NFIB: variants seen among roughly 807,000 people sequenced by gnomAD.
The protein encoded by NFIB is nuclear factor I B, also known as nuclear factor 1 B-type.
NFIB carries 11 observed loss-of-function variants against 61.5 expected under a neutral mutation model. The observed-to-expected ratio is 0.18, with a 90% CI of 0.11 to 0.30. The LOEUF (loss-of-function observed/expected upper bound fraction) is 0.30. Ranked by LOEUF, NFIB falls within the 10% of genes least tolerant of loss-of-function variation. NFIB has a pLI of 1.00. For synonymous variants in NFIB, 260 were observed against 216.5 expected (o/e 1.20, Z -1.76); for missense variants, 471 against 608.9 (o/e 0.77, Z 2.38).
At chr9:14,483,595 A>G in the NFIB span, among the ~76,000 whole-genome samples, 3 of 152,186 alleles carry the variant, frequency 2.0e-5, no homozygotes, top group Non-Finnish European at 4.4e-5. Flanking sequence ...GCTTTGGTAA[A>G]TGTGAGTTTG....
At chr9:14,367,868 G>A (rs953846003) in intron 1 of NFIB, among the ~76,000 whole-genome samples, 2 of 152,092 alleles carry the variant, frequency 1.3e-5, no homozygotes, top group Non-Finnish European at 2.9e-5. Context: ...ATCACACACC[G>A]GGGCCTGTCA....
intron 3 of NFIB, among the ~76,000 whole-genome samples, chr9:14,158,233 T>C (rs186608272): frequency 1.3e-5 from 2 of 152,086 alleles, no homozygotes; most frequent in Non-Finnish European, 2.9e-5. Flanking sequence ...ACTTTGTAAA[T>C]GCCTACCCTT....
chr9:14,321,837 T>C (rs2060668432), intron 1 of NFIB: 6 of 1,207,378 alleles, frequency 5.0e-6, no homozygotes, highest in Non-Finnish European at 4.1e-6. Flanking sequence ...AACAGCCACT[T>C]TGCAATCCAC....
intron 10 of NFIB, chr9:14,094,570 C>T (rs1362323426): frequency 2.0e-5 from 3 of 152,410 alleles, no homozygotes; most frequent in African/African-American, 7.2e-5. Flanking sequence ...TCTTTGCATG[C>T]AAGATGATTC....
chr9:14,457,340 T>C, the NFIB span, among the ~76,000 whole-genome samples: 1 of 152,086 alleles, frequency 6.6e-6, no homozygotes, highest in Non-Finnish European at 1.5e-5. Flanking sequence ...GATAGTTTAG[T>C]TTGAACGAGT....
chr9:14,520,098 C>A, the NFIB span, among the ~76,000 whole-genome samples: 1 of 152,110 alleles, frequency 6.6e-6, no homozygotes, highest in Non-Finnish European at 1.5e-5. Flanking sequence ...ATGTGAGGCA[C>A]AATAGATATT....
the NFIB span, among the ~76,000 whole-genome samples, chr9:14,513,678 A>G: frequency 6.6e-6 from 1 of 151,754 alleles, no homozygotes. Context: ...AAAAAGAAAC[A>G]AAATGAAAAG....
At chr9:14,401,161 T>C (rs2061739396), upstream of NFIB, among the ~76,000 whole-genome samples, 1 of 152,176 alleles carries the variant, frequency 6.6e-6, no homozygotes, top group Non-Finnish European at 1.5e-5. Flanking sequence ...GAGAATAAAC[T>C]ACTTGAAAAG....
At chr9:14,389,614 T>G (rs1337486628) in intron 1 of NFIB, among the ~76,000 whole-genome samples, 1 of 152,144 alleles carries the variant, frequency 6.6e-6, no homozygotes, top group Non-Finnish European at 1.5e-5. Context: ...ACCAAATATA[T>G]AGATGTCTAC....
chr9:14,431,507 C>T, the NFIB span, among the ~76,000 whole-genome samples: 2 of 152,166 alleles, frequency 1.3e-5, no homozygotes, highest in Non-Finnish European at 2.9e-5. Flanking sequence ...TGTTGCATGC[C>T]TGCCAGGCAC....
the NFIB span, among the ~76,000 whole-genome samples, chr9:14,451,886 T>G: frequency 6.6e-6 from 1 of 152,200 alleles, no homozygotes; most frequent in East Asian, 1.9e-4. Context: ...TTTTTTTTTT[T>G]GCAAGTTCTG....
rs1587097471 is a variant in NFIB at position 14,154,608 on chromosome 9, G to A, written c.685+1217C>T. Among the ~76,000 whole-genome samples, 3 of 152,224 alleles carry A rather than the reference G, an allele frequency of 2.0e-5. No homozygotes were observed. In the South Asian group the frequency reaches 6.2e-4, roughly 32 times the overall value. Reference sequence around the variant, plus strand: ...ACACCCTGGGGCTACCAGAATACAGGATATTTGTGTTTCTTCTCCTACACT... The same window carrying A: ...ACACCCTGGGGCTACCAGAATACAGAATATTTGTGTTTCTTCTCCTACACT... On this transcript the variant is annotated intron_variant, in intron 4 of 10. Coordinates refer to ENST00000380953, the MANE Select transcript of NFIB (RefSeq NM_001190737.2).
intron 1 of NFIB, among the ~76,000 whole-genome samples, chr9:14,353,228 T>G (rs973102802): frequency 1.3e-5 from 2 of 152,124 alleles, no homozygotes; most frequent in South Asian, 4.2e-4. Flanking sequence ...CGCGTGAGCT[T>G]CCCAGACATG....
intron 1 of NFIB, among the ~76,000 whole-genome samples, chr9:14,384,950 C>A (rs555381715): frequency 2.6e-5 from 4 of 152,146 alleles, no homozygotes; most frequent in Non-Finnish European, 5.9e-5. Flanking sequence ...TACAGTACTT[C>A]ACTCTCCAAA....
At chr9:14,406,914 T>C in the NFIB span, among the ~76,000 whole-genome samples, 1 of 152,222 alleles carries the variant, frequency 6.6e-6, no homozygotes, top group African/African-American at 2.4e-5. Context: ...CCAATTGAAC[T>C]GTGAGTGAGA....
At position 14,162,890 on chromosome 9, in the gene NFIB, T is replaced by C. The variant is rs797014258; in HGVS notation, c.617-6997A>G. 2.0e-4 allele frequency among the ~76,000 whole-genome samples: 31 copies of C among 152,230 alleles called. 1 individual carries two copies. Among genetic ancestry groups the C allele is most frequent in the African/African-American group, 7.5e-4 (31 of 41,576 alleles). On this transcript the variant is annotated intron_variant, in intron 3 of 10. Transcript: ENST00000380953. ...GTGGGCTATGTTTATTTTTATGGCA[T>C]AATAAAATTAAATGTATGCCCTCTT...
chr9:14,473,728 T>C, the NFIB span, among the ~76,000 whole-genome samples: 4 of 152,248 alleles, frequency 2.6e-5, no homozygotes, highest in African/African-American at 9.6e-5. Context: ...TCCAATAGTA[T>C]TACACACACA....
At chr9:14,244,453 T>G (rs2054677431) in intron 2 of NFIB, among the ~76,000 whole-genome samples, 1 of 152,204 alleles carries the variant, frequency 6.6e-6, no homozygotes, top group African/African-American at 2.4e-5. Flanking sequence ...CCCACATACT[T>G]TCTCATCCAT....
At chr9:14,509,722 A>G in the NFIB span, among the ~76,000 whole-genome samples, 1 of 152,186 alleles carries the variant, frequency 6.6e-6, no homozygotes, top group Non-Finnish European at 1.5e-5. Flanking sequence ...AAGCACCAGG[A>G]CAAAATGGAG....
Sources: allele counts gnomAD v4.1 joint callset (sites outside exome capture counted in the v4.1 genomes callset), GRCh38; gene constraint gnomAD v4.1.1; transcripts MANE v1.5; gene names NCBI Gene and HGNC (gene_info 2026-07-23, HGNC 2026-07-21).